The following HELB variants were observed in gnomAD, a reference collection of about 807,000 sequenced individuals.
The protein encoded by HELB is DNA 5'-3' helicase B.
In HELB, 96 loss-of-function variants were observed where a neutral mutation model predicts 101.7. The ratio of observed to expected loss-of-function variants is 0.94; its 90% CI spans 0.80 to 1.12. HELB has a LOEUF of 1.12. HELB is among the 50% of genes most tolerant of loss of function. HELB has a pLI of 0.00. For synonymous variants in HELB, 437 were observed against 459.7 expected (o/e 0.95, Z 0.63); for missense variants, 1,210 against 1,291.9 (o/e 0.94, Z 0.97).
At position 66,311,410 on chromosome 12, in the gene HELB, C is replaced by T. The variant is rs1029626923; in HGVS notation, c.1680+802C>T. Among the ~76,000 whole-genome samples the T allele has an allele frequency of 4.7e-4, 71 of 151,864 alleles. 1 individual carries two copies. The highest frequency in any genetic ancestry group is 1.7e-3 in the African/African-American group (70 of 41,328). On this transcript the variant is annotated intron_variant, in intron 4 of 12. Coordinates refer to ENST00000247815, the MANE Select transcript of HELB (RefSeq NM_001370285.1). Reference sequence around the variant, plus strand: ...CTGTGAGGTCGAAGCTGCAGTGAGCCGTGTTTAGACCACTGCACTCCAGCC... The same window carrying T: ...CTGTGAGGTCGAAGCTGCAGTGAGCTGTGTTTAGACCACTGCACTCCAGCC...
intron 9 of HELB, 138 bp from the exon 10 acceptor site, chr12:66,323,845 T>C (rs1004784629): frequency 6.3e-6 from 4 of 630,552 alleles, no homozygotes; most frequent in African/African-American, 3.6e-5. Flanking sequence ...TTGTTGCTCA[T>C]TGGAGAATGA....
chr12:66,312,725 G>A (rs781038970), intron 4 of HELB, among the ~76,000 whole-genome samples: 136 of 152,176 alleles, frequency 8.9e-4, no homozygotes, highest in Non-Finnish European at 1.6e-3. Context: ...GCAAGAGCAC[G>A]GAAAGAGCAC....
chr12:66,317,111 C>T (rs189314574), intron 6 of HELB, among the ~76,000 whole-genome samples: 2,090 of 151,202 alleles, frequency 0.014, 106 homozygotes, highest in Admixed American at 0.09. Flanking sequence ...ACAGGAGAAT[C>T]GCTTGAACCC....
chr12:66,305,902 T>C (rs1244023113), intron 2 of HELB, among the ~76,000 whole-genome samples: 2 of 152,218 alleles, frequency 1.3e-5, no homozygotes, highest in Non-Finnish European at 2.9e-5. Flanking sequence ...ATATATGGAA[T>C]ATTTCATTTC....
At chr12:66,336,340 T>C (rs1264005774) in intron 12 of HELB, among the ~76,000 whole-genome samples, 2 of 152,202 alleles carry the variant, frequency 1.3e-5, no homozygotes, top group Non-Finnish European at 2.9e-5. Flanking sequence ...AGGCATTTGC[T>C]TTCTGGTTTT....
In HELB at chr12:66,307,352, A is replaced by ATCT. The variant is rs1445508535; in HGVS notation, c.777+839_777+840insCTT. Reference sequence around the variant, plus strand: ...AAGAGCAATTACATGTAAAAGGCAGATAATAATAGTTTACCTTTTTGTTTA... The same window carrying ATCT: ...AAGAGCAATTACATGTAAAAGGCAGATCTTAATAATAGTTTACCTTTTTGTTTA... On this transcript the variant is annotated intron_variant, in intron 3 of 12. Coordinates refer to ENST00000247815, the MANE Select transcript of HELB (RefSeq NM_001370285.1). Among the ~76,000 whole-genome samples the ATCT allele has an allele frequency of 5.4e-4, 82 of 152,156 alleles. 1 individual carries two copies. Among genetic ancestry groups the ATCT allele is most frequent in the Non-Finnish European group, 9.4e-4 (64 of 68,030 alleles).
rs368474548 is a variant in HELB at position 66,325,086 on chromosome 12, G to A, written c.2630G>A (p.Arg877His). Residue 877 changes from arginine (R) to histidine (H), a missense_variant, in exon 11 of 13, where the codon CGC (arginine) becomes CAC (histidine). Coordinates refer to ENST00000247815, the MANE Select transcript of HELB (RefSeq NM_001370285.1). ...VDFKKLMKYC[R>H]IKHAWARTIH... ...TTTAAGAAACTAATGAAATATTGTCGCATAAAACATGCATGGGCAAGAACT... is the reference window on the plus strand; with the variant it reads ...TTTAAGAAACTAATGAAATATTGTCACATAAAACATGCATGGGCAAGAACT... 4.0e-5 allele frequency: 65 copies of A among 1,613,102 alleles called. No individual in the cohort carries two copies. The highest frequency in any genetic ancestry group is 5.5e-5 in the South Asian group (5 of 91,030).
intron 12 of HELB, among the ~76,000 whole-genome samples, chr12:66,332,121 C>T (rs546546281): frequency 1.3e-5 from 2 of 152,296 alleles, no homozygotes; most frequent in East Asian, 1.9e-4. Context: ...GCCTAATCTG[C>T]ATCTTTGTTC....
downstream of HELB, chr12:66,343,015 C>T (rs2053929112): frequency 6.6e-6 from 1 of 152,046 alleles, no homozygotes; most frequent in African/African-American, 2.4e-5. Context: ...ATTCTAATGC[C>T]AGCACCATAT....
chr12:66,341,049 A>T (rs1023554468), downstream of HELB: 1 of 154,758 alleles, frequency 6.5e-6, no homozygotes, highest in African/African-American at 2.4e-5. Context: ...GTCCCACGAT[A>T]GGCCATCTGC....
intron 9 of HELB, among the ~76,000 whole-genome samples, chr12:66,323,146 G>A (rs1234554313): frequency 6.6e-6 from 1 of 152,064 alleles, no homozygotes; most frequent in Non-Finnish European, 1.5e-5. Context: ...AACTTAGTGA[G>A]TGTCTGTCTA....
chr12:66,310,493 AG>A lies in HELB; in HGVS notation c.1566del (p.Glu522AspfsTer5), dbSNP rs199672632. 0.022 allele frequency: 35,461 copies of A among 1,614,122 alleles called. 467 individuals carry two copies. The highest frequency in any genetic ancestry group is 0.033 in the Middle Eastern group (199 of 6,062). Reference sequence around the variant, plus strand: ...TCAGAAGAATGGATTACCTTTACTGAGCAAAGTCAACTAGAGGCGGACAAGG... The same window carrying A: ...TCAGAAGAATGGATTACCTTTACTGACAAAGTCAACTAGAGGCGGACAAGG... ...NASEEWITFT[E>X]QSQLEADKAI... On this transcript the variant is annotated frameshift_variant, in exon 4 of 13. Coordinates refer to ENST00000247815, the MANE Select transcript of HELB (RefSeq NM_001370285.1). LOFTEE classifies it high-confidence loss of function.
intron 12 of HELB, among the ~76,000 whole-genome samples, chr12:66,335,129 G>A (rs1197950817): frequency 1.3e-5 from 2 of 152,160 alleles, no homozygotes; most frequent in African/African-American, 4.8e-5. Flanking sequence ...CTCTTGTGGC[G>A]TGCTGTTGTT....
chr12:66,343,067 G>A (rs2053929504), downstream of HELB: 1 of 152,158 alleles, frequency 6.6e-6, no homozygotes, highest in Non-Finnish European at 1.5e-5. Context: ...TTGAAATTAA[G>A]AAGTGTGAGT....
chr12:66,327,569 TA>T (rs1188949958), intron 11 of HELB, among the ~76,000 whole-genome samples: 1 of 152,030 alleles, frequency 6.6e-6, no homozygotes, highest in Non-Finnish European at 1.5e-5. Context: ...TCTTTCTGGT[TA>T]TTTCATGGTT....
intron 4 of HELB, among the ~76,000 whole-genome samples, chr12:66,311,398 G>T (rs556322401): frequency 4.3e-4 from 65 of 152,286 alleles, no homozygotes; most frequent in African/African-American, 1.5e-3. Flanking sequence ...TGAGGTCGAA[G>T]CTGCAGTGAG....
chr12:66,306,463 A>C lies in HELB; in HGVS notation c.726A>C (p.Lys242Asn), dbSNP rs2053477536. 1 of 1,604,238 alleles carries C rather than the reference A, an allele frequency of 6.2e-7. No individual in the cohort carries two copies. The highest frequency in any genetic ancestry group is 1.3e-5 in the African/African-American group (1 of 74,502). ...GGTCAGGTTCTAAAGAGATGTTGAAAGAGATAGAAGAGATTTTAGGTACAC... is the reference window on the plus strand; with the variant it reads ...GGTCAGGTTCTAAAGAGATGTTGAACGAGATAGAAGAGATTTTAGGTACAC... ...IIGSGSKEMLKEIEEILGTHP... is the reference protein window; with the variant it reads ...IIGSGSKEMLNEIEEILGTHP... Residue 242 changes from lysine to asparagine, a missense_variant, in exon 3 of 13, where the codon AAA becomes AAC. By Grantham distance (94) the Lys-to-Asn change is moderately conservative. Transcript: ENST00000247815.
chr12:66,318,765 C>T lies in HELB; in HGVS notation c.2128C>T (p.Gln710Ter), dbSNP rs138227394. Reference protein sequence around the residue: ...VRLPEEDASSQSSKTNHHSCL... With the variant: ...VRLPEEDASS ...GCTCCCAGAAGAGGATGCCAGTTCT[C>T]AGTCATCTAAAACTAATCATCACTC... is the stretch of plus-strand genomic sequence containing the variant. The change falls in exon 7 of 13, where the codon CAG (glutamine) becomes TAG (stop). Residue 710 changes from glutamine to a stop codon, truncating the protein, a stop_gained. Coordinates refer to ENST00000247815, the MANE Select transcript of HELB (RefSeq NM_001370285.1). LOFTEE classifies it high-confidence loss of function. The T allele has an allele frequency of 1.9e-6, 3 of 1,608,918 alleles. No homozygotes were observed. The highest frequency in any genetic ancestry group is 1.3e-5 in the African/African-American group (1 of 74,640).
chr12:66,328,166 T>C (rs1458944082), intron 11 of HELB, among the ~76,000 whole-genome samples: 6 of 152,170 alleles, frequency 3.9e-5, no homozygotes, highest in African/African-American at 1.4e-4. Flanking sequence ...CCTAGGGCAT[T>C]TGAAGGCCTG....
Sources: allele counts gnomAD v4.1 joint callset (sites outside exome capture counted in the v4.1 genomes callset), GRCh38; gene constraint gnomAD v4.1.1; transcripts MANE v1.5; gene names NCBI Gene and HGNC (gene_info 2026-07-23, HGNC 2026-07-21).